Variants in RPAP2 observed in about 807,000 individuals in gnomAD.
RPAP2 encodes RNA polymerase II associated protein 2.
In RPAP2, 52 loss-of-function variants were observed where a neutral mutation model predicts 73.1. That is an observed-to-expected ratio of 0.71 (90% CI 0.57 to 0.90). The LOEUF is 0.90. Among genes scored for constraint, RPAP2 ranks in the 40% least tolerant of loss-of-function variants. The probability of loss-of-function intolerance (pLI) is 0.00; values close to 1 mark genes in which losing one functional copy is unlikely to be tolerated. For missense variants in RPAP2, 598 were observed against 701.8 expected (o/e 0.85, Z 1.67); for synonymous variants, 225 against 242.1 (o/e 0.93, Z 0.65).
chr1:92,312,515 C>T (rs1351609229), intron 6 of RPAP2, among the ~76,000 whole-genome samples: 3 of 152,156 alleles, frequency 2.0e-5, no homozygotes, highest in South Asian at 2.1e-4. Context: ...ACCATTTCAA[C>T]GATGTTGACA....
chr1:92,339,474 A>G (rs556371497), intron 10 of RPAP2, among the ~76,000 whole-genome samples: 3 of 152,076 alleles, frequency 2.0e-5, no homozygotes, highest in Non-Finnish European at 4.4e-5. Context: ...AAAAAATAAT[A>G]ATAATAATTT....
At chr1:92,304,381 A>G in intron 5 of RPAP2, 32 bp downstream of exon 5, 9 of 1,311,098 alleles carry the variant, frequency 6.9e-6, no homozygotes, top group African/African-American at 3.0e-5. Context: ...GTGGCAATTA[A>G]TTTTTTTTCT....
intron 11 of RPAP2, among the ~76,000 whole-genome samples, chr1:92,355,391 G>A (rs564045762): frequency 6.6e-6 from 1 of 152,274 alleles, no homozygotes; most frequent in African/African-American, 2.4e-5. Flanking sequence ...ACTAATTCAA[G>A]TATGAGGTGT....
chr1:92,344,576 A>C (rs908754937), intron 10 of RPAP2, among the ~76,000 whole-genome samples: 2 of 151,438 alleles, frequency 1.3e-5, no homozygotes, highest in South Asian at 4.2e-4. Flanking sequence ...TTTAACACAC[A>C]TTTTTTTTAT....
rs1200373155 is a variant in RPAP2, at chr1:92,394,449, A to G, written c.*7438A>G. 6.6e-6 allele frequency: 1 copy of G among 152,216 alleles called. No individual in the cohort carries two copies. Among genetic ancestry groups the G allele is most frequent in the Non-Finnish European group, 1.5e-5 (1 of 68,064 alleles). The allele number at this position is 152,216 out of a possible 1,614,324, so 9.4% of individuals were successfully genotyped here. Reference sequence around the variant, plus strand: ...TGTAACAAAACTACATGTTCTGCACATGTAACCCAGAACTTAAAGTATAAT... The same window carrying G: ...TGTAACAAAACTACATGTTCTGCACGTGTAACCCAGAACTTAAAGTATAAT... On this transcript the variant is annotated 3_prime_UTR_variant, in exon 13 of 13. Transcript: ENST00000610020.
rs1385948696 is a variant in RPAP2, at chr1:92,299,059, A to C, written c.-15A>C. On this transcript the variant is annotated 5_prime_UTR_variant, in exon 1 of 13. Transcript: ENST00000610020. ...ACGCCGGAGCGTGTCCCCGTCCGGCAGACTACTCTCCCCCATGGCGGACTT... is the reference window on the plus strand; with the variant it reads ...ACGCCGGAGCGTGTCCCCGTCCGGCCGACTACTCTCCCCCATGGCGGACTT... 1.4e-6 allele frequency: 2 copies of C among 1,454,030 alleles called. No homozygotes were observed. 90.1% of individuals were successfully genotyped at this position (1,454,030 alleles called of 1,614,324 possible). A position where few individuals can be genotyped will look rare whatever the true frequency, so the allele number is the denominator to read the frequency against.
intron 11 of RPAP2, among the ~76,000 whole-genome samples, chr1:92,361,864 C>T (rs186680887): frequency 6.6e-6 from 1 of 151,032 alleles, no homozygotes; most frequent in African/African-American, 2.4e-5. Flanking sequence ...TGTGGACTGA[C>T]AAAATAGAAG....
intron 6 of RPAP2, among the ~76,000 whole-genome samples, chr1:92,307,726 AT>A (rs33919043): frequency 2.0e-5 from 3 of 150,204 alleles, no homozygotes; most frequent in Non-Finnish European, 4.4e-5. Context: ...TTAAAAAGTA[AT>A]TTTTTTTTTT....
rs576884984 is a variant in RPAP2 at position 92,387,156 on chromosome 1, C to T, written c.*145C>T. The T allele has an allele frequency of 8.8e-5, 60 of 682,166 alleles. No homozygotes were observed. Among genetic ancestry groups the T allele is most frequent in the Non-Finnish European group, 1.3e-4 (58 of 433,804 alleles). The allele number at this position is 682,166 out of a possible 1,614,324, so 42.3% of individuals were successfully genotyped here. A position where few individuals can be genotyped will look rare whatever the true frequency, so the allele number is the denominator to read the frequency against. ...CTTTAAGTTTCAATCTCCCATCTCCCAGTCCTTCAGTCCCCAACTGCAGAG... is the reference window on the plus strand; with the variant it reads ...CTTTAAGTTTCAATCTCCCATCTCCTAGTCCTTCAGTCCCCAACTGCAGAG... On this transcript the variant is annotated 3_prime_UTR_variant, in exon 13 of 13. Coordinates refer to ENST00000610020, the MANE Select transcript of RPAP2 (RefSeq NM_024813.3).
intron 6 of RPAP2, among the ~76,000 whole-genome samples, chr1:92,308,669 A>ACC (rs1651390655): frequency 6.6e-6 from 1 of 152,224 alleles, no homozygotes; most frequent in African/African-American, 2.4e-5. Context: ...AATTTAAAAC[A>ACC]AATCTTCCAG....
Position 92,401,598 on chromosome 1 carries a change from T to A in RPAP2, c.*14587T>A, listed in dbSNP as rs894082619. 6.6e-6 allele frequency: 1 copy of A among 152,230 alleles called. No individual in the cohort carries two copies. Among genetic ancestry groups the A allele is most frequent in the African/African-American group, 2.4e-5 (1 of 41,462 alleles). The allele number at this position is 152,230 out of a possible 1,614,324, so 9.4% of individuals were successfully genotyped here. On this transcript the variant is annotated 3_prime_UTR_variant, in exon 13 of 13. Transcript: ENST00000610020. ...AGTGGTGAAAGCACATATCCTCCCC[T>A]TGTTCCTAATTTTAGAGGGAAAGTA... is the stretch of plus-strand genomic sequence containing the variant.
At chr1:92,377,566 C>G (rs920466732) in intron 11 of RPAP2, among the ~76,000 whole-genome samples, 1 of 148,544 alleles carries the variant, frequency 6.7e-6, no homozygotes, top group Non-Finnish European at 1.5e-5. Context: ...CATAGTTCCT[C>G]TAGGGCTTGT....
intron 8 of RPAP2, among the ~76,000 whole-genome samples, chr1:92,329,221 G>A (rs1652819228): frequency 6.6e-6 from 1 of 152,210 alleles, no homozygotes; most frequent in Admixed American, 6.5e-5. Flanking sequence ...GAGCTCCCAA[G>A]AGATTAAGTC....
intron 8 of RPAP2, among the ~76,000 whole-genome samples, chr1:92,332,257 C>A (rs6604091): frequency 0.86 from 131,205 of 151,968 alleles, 57,071 homozygotes; most frequent in East Asian, 1. Flanking sequence ...TTTTATGTCT[C>A]CCCATTAGTT....
chr1:92,332,770 A>G (rs1411082354), intron 8 of RPAP2, among the ~76,000 whole-genome samples: 2 of 152,158 alleles, frequency 1.3e-5, no homozygotes, highest in African/African-American at 4.8e-5. Context: ...GGATACCCTG[A>G]ACTCTTTTTA....
chr1:92,374,498 A>C (rs1482592486), intron 11 of RPAP2, among the ~76,000 whole-genome samples: 2 of 152,196 alleles, frequency 1.3e-5, no homozygotes, highest in Non-Finnish European at 2.9e-5. Context: ...CTCCAAGCTC[A>C]GTGCTTGGAC....
At chr1:92,382,450 A>G (rs1229722348) in intron 12 of RPAP2, among the ~76,000 whole-genome samples, 1 of 151,902 alleles carries the variant, frequency 6.6e-6, no homozygotes, top group East Asian at 1.9e-4. Flanking sequence ...TGACTTTTTA[A>G]TGATCGCCAT....
intron 11 of RPAP2, among the ~76,000 whole-genome samples, chr1:92,351,775 C>T (rs1031724805): frequency 8.5e-5 from 13 of 152,174 alleles, no homozygotes; most frequent in African/African-American, 2.9e-4. Flanking sequence ...CCTTTATGTG[C>T]AGCCTATGTG....
intron 11 of RPAP2, among the ~76,000 whole-genome samples, chr1:92,351,305 C>CAAAAAAAAAAAAAAAA (rs60111119): frequency 5.8e-4 from 50 of 86,832 alleles, no homozygotes; most frequent in African/African-American, 1.8e-3. Flanking sequence ...GACTCTGTCT[C>CAAAAAAAAAAAAAAAA]AAAAAAAAAA....
Sources: gnomAD v4.1 joint callset for allele counts (sites outside exome capture counted in the v4.1 genomes callset) on GRCh38, gnomAD v4.1.1 for gene constraint, MANE v1.5 for transcripts, NCBI Gene and HGNC (gene_info 2026-07-23, HGNC 2026-07-21) for gene names.